Variants in CDC42BPB observed in about 807,000 individuals in gnomAD.
The protein encoded by CDC42BPB is serine/threonine-protein kinase MRCK beta.
Under a neutral mutation model 214.9 loss-of-function variants are expected in CDC42BPB, and 37 were observed. That is an observed-to-expected ratio of 0.17 (90% CI 0.13 to 0.23). The LOEUF (loss-of-function observed/expected upper bound fraction) is 0.23. CDC42BPB is among the 10% of genes least tolerant of loss of function. CDC42BPB has a pLI of 1.00. For synonymous variants in CDC42BPB, 931 were observed against 884.0 expected (o/e 1.05, Z -0.94); for missense variants, 1,694 against 2,227.0 (o/e 0.76, Z 4.82).
intron 1 of CDC42BPB, among the ~76,000 whole-genome samples, chr14:103,031,934 A>G (rs1005138874): frequency 2.0e-5 from 3 of 152,142 alleles, no homozygotes; most frequent in Non-Finnish European, 4.4e-5. Context: ...TGTCAACTCC[A>G]AAGTGTCTCC....
chr14:102,979,708 T>G (rs1215620392), intron 8 of CDC42BPB, among the ~76,000 whole-genome samples: 1 of 152,132 alleles, frequency 6.6e-6, no homozygotes, highest in Non-Finnish European at 1.5e-5. Context: ...CGAAGAAGAT[T>G]TTCCTTTTAT....
intron 21 of CDC42BPB, chr14:102,956,461 G>T (rs971774432): frequency 2.8e-5 from 27 of 980,888 alleles, no homozygotes; most frequent in Non-Finnish European, 3.3e-5. Context: ...AAAAGAGTCT[G>T]GAAGCTCTAA....
rs943802387 is a variant in CDC42BPB at position 102,968,555 on chromosome 14, C to T, written c.2157G>A (p.Val719=). The T allele has an allele frequency of 1.9e-6, 3 of 1,614,178 alleles. No individual in the cohort carries two copies. The highest frequency in any genetic ancestry group is 2.2e-5 in the South Asian group (2 of 91,076). The change falls in exon 15 of 37, where the codon GTG becomes GTA. Residue 719 remains valine, a synonymous_variant. Transcript: ENST00000361246. ...CCAGCTGGTGGCTTTCTGAATCATG[C>T]ACCTCCTTCTTCACATTTTTCACTT... ...VLEVKNVKKE[V]HDSESHQLAL...
intron 11 of CDC42BPB, 30 bp downstream of exon 11, chr14:102,975,654 G>A: frequency 1.2e-6 from 2 of 1,608,162 alleles, no homozygotes; most frequent in Non-Finnish European, 1.7e-6. Context: ...CAAAAATAGA[G>A]ACTAAGAAGT....
chr14:103,032,309 C>A (rs895524184), intron 1 of CDC42BPB, among the ~76,000 whole-genome samples: 1 of 152,114 alleles, frequency 6.6e-6, no homozygotes, highest in African/African-American at 2.4e-5. Context: ...CAGCTCCTGA[C>A]TGGAATATAC....
At chr14:102,938,468 G>A in intron 34 of CDC42BPB, 57 bp from the exon 35 acceptor site, 1 of 1,504,556 alleles carries the variant, frequency 6.6e-7, no homozygotes, top group Non-Finnish European at 8.8e-7. Flanking sequence ...AGGGCCGGCT[G>A]CGAAGTTTGT....
chr14:102,963,128 G>GT lies in CDC42BPB; in HGVS notation c.2753dup (p.Asn918LysfsTer36). ...TTTCCATTTCTTCTAATAATTCTCT[G>GT]TTTTTGGCTTCGGAATCCTTTAGTT... On this transcript the variant is annotated frameshift_variant, in exon 20 of 37. Coordinates refer to ENST00000361246, the MANE Select transcript of CDC42BPB (RefSeq NM_006035.4). LOFTEE classifies it high-confidence loss of function. 6.3e-7 allele frequency: 1 copy of GT among 1,597,674 alleles called. No homozygotes were observed. Among genetic ancestry groups the GT allele is most frequent in the Non-Finnish European group, 8.6e-7 (1 of 1,167,500 alleles).
chr14:102,960,183 C>G (rs539835024), intron 20 of CDC42BPB, among the ~76,000 whole-genome samples: 1 of 151,838 alleles, frequency 6.6e-6, no homozygotes, highest in Non-Finnish European at 1.5e-5. Flanking sequence ...CCAGCCTGGG[C>G]GACAGAGCAA....
chr14:102,991,690 C>T (rs149510126), intron 5 of CDC42BPB, among the ~76,000 whole-genome samples: 55 of 152,140 alleles, frequency 3.6e-4, no homozygotes, highest in African/African-American at 1.3e-3. Context: ...ATAATAGGAG[C>T]CAAAATATTA....
rs183066628 is a variant in CDC42BPB at position 103,041,627 on chromosome 14, T to C, written c.175+15372A>G. On this transcript the variant is annotated intron_variant, in intron 1 of 36. Transcript: ENST00000361246. ...GCCCTGCACACCGCGTTGGGACCCA[T>C]CCGGCCCATCGTGTGGTGCCGCACA... 6.3e-4 allele frequency: 456 copies of C among 728,636 alleles called. 3 individuals carry two copies. In the East Asian group the frequency reaches 0.01, roughly 16 times the overall value. The allele number at this position is 728,636 out of a possible 1,614,324, so 45.1% of individuals were successfully genotyped here.
rs776355137 is a variant in CDC42BPB at position 102,944,150 on chromosome 14, C to T, written c.4149G>A (p.Arg1383=). The T allele has an allele frequency of 2.7e-5, 44 of 1,613,098 alleles. No homozygotes were observed. In the South Asian group the frequency reaches 3.0e-4, roughly 11 times the overall value. ...PGSVQCLAVL[R]DRLCVGYPSG... ...AAGGGTAGCCCACACAGAGCCTGTCCCTGAGCACCGCCAGGCACTGCACGC... is the reference window on the plus strand; with the variant it reads ...AAGGGTAGCCCACACAGAGCCTGTCTCTGAGCACCGCCAGGCACTGCACGC... The change falls in exon 30 of 37, where the codon AGG becomes AGA. Residue 1383 remains arginine (R), a synonymous_variant. Transcript: ENST00000361246. The surrounding 1 kb of genome is among the most constrained non-coding windows in gnomAD (Gnocchi z 6.6).
chr14:103,024,491 G>T (rs1886941026), intron 1 of CDC42BPB, among the ~76,000 whole-genome samples: 1 of 152,304 alleles, frequency 6.6e-6, no homozygotes, highest in South Asian at 2.1e-4. Flanking sequence ...CAAAGCATCA[G>T]TAAATAAGGT....
intron 9 of CDC42BPB, chr14:102,976,323 A>C: frequency 1.9e-6 from 1 of 514,786 alleles, no homozygotes; most frequent in Non-Finnish European, 2.5e-6. Context: ...TTAACTATAA[A>C]TGCAAAACCA....
intron 2 of CDC42BPB, among the ~76,000 whole-genome samples, chr14:103,010,158 A>G (rs544278474): frequency 1.8e-4 from 27 of 152,276 alleles, no homozygotes; most frequent in South Asian, 1.0e-3. Context: ...GTGGTGGCAC[A>G]TGCCTGTAGT....
At chr14:102,957,753 C>T (rs914248416) in intron 21 of CDC42BPB, among the ~76,000 whole-genome samples, 3 of 152,140 alleles carry the variant, frequency 2.0e-5, no homozygotes, top group African/African-American at 7.2e-5. Flanking sequence ...AAGAGTCCAC[C>T]CCAAGGGAGG....
intron 20 of CDC42BPB, among the ~76,000 whole-genome samples, chr14:102,962,665 C>T (rs545682008): frequency 1.3e-5 from 2 of 152,122 alleles, no homozygotes; most frequent in Non-Finnish European, 2.9e-5. Flanking sequence ...GCCTGGCCAA[C>T]GTGGCAAAAC....
In CDC42BPB at chr14:102,968,647, C is replaced by T. The variant is rs1471198756; in HGVS notation, c.2065G>A (p.Glu689Lys). 6 of 1,614,210 alleles carry T rather than the reference C, an allele frequency of 3.7e-6. No homozygotes were observed. The highest frequency in any genetic ancestry group is 1.3e-5 in the African/African-American group (1 of 75,054). The change falls in exon 15 of 37, where the codon GAG becomes AAG. Residue 689 changes from glutamate to lysine, a missense_variant. Glu to Lys is a moderately conservative substitution (Grantham distance 56, BLOSUM62 1). Around this residue, in one of 7 missense-constraint regions of CDC42BPB, gnomAD observed 462 missense variants for 513.5 expected, o/e 0.90. Transcript: ENST00000361246. ...HQQEISKIKS[E>K]LEKKVLFYEE... ...TAAAATAAGACTTTCTTCTCCAGCT[C>T]GGATTTGATTTTGGAAATCTCTTGC...
At chr14:102,988,354 A>C (rs960234921) in intron 5 of CDC42BPB, among the ~76,000 whole-genome samples, 1 of 47,352 alleles carries the variant, frequency 2.1e-5, no homozygotes, top group Non-Finnish European at 4.3e-5. Context: ...TCCAGAAATT[A>C]AAAAAAAAAA....
chr14:102,991,103 A>G (rs547933912), intron 5 of CDC42BPB, among the ~76,000 whole-genome samples: 1 of 152,194 alleles, frequency 6.6e-6, no homozygotes, highest in South Asian at 2.1e-4. Context: ...TGGTCTTAAA[A>G]GTATCTCCCC....
Sources: gnomAD v4.1 joint callset for allele counts (sites outside exome capture counted in the v4.1 genomes callset) on GRCh38, gnomAD v4.1.1 for gene constraint, gnomAD v4.1.1 regional missense constraint, Gnocchi (gnomAD v3.1) non-coding constraint, MANE v1.5 for transcripts, NCBI Gene and HGNC (gene_info 2026-07-23, HGNC 2026-07-21) for gene names.